The following TMEM68 variants were observed in gnomAD, a reference collection of about 807,000 sequenced individuals.
TMEM68 encodes transmembrane protein 68.
In TMEM68, 25 loss-of-function variants were observed where a neutral mutation model predicts 36.9. That is an observed-to-expected ratio of 0.68 (90% CI 0.49 to 0.95). TMEM68 has a LOEUF of 0.95. Among genes scored for constraint, TMEM68 ranks in the 40% least tolerant of loss-of-function variants. The probability of loss-of-function intolerance (pLI) is 0.00; values close to 1 mark genes in which losing one functional copy is unlikely to be tolerated. For missense variants in TMEM68, 333 were observed against 392.0 expected (o/e 0.85, Z 1.27); for synonymous variants, 131 against 124.4 (o/e 1.05, Z -0.35).
At chr8:55,764,384 C>A (rs1810900871) in intron 1 of TMEM68, among the ~76,000 whole-genome samples, 1 of 152,126 alleles carries the variant, frequency 6.6e-6, no homozygotes, top group Admixed American at 6.5e-5. Flanking sequence ...TATTTTCCTA[C>A]AAAAGATTTC....
At chr8:55,762,415 G>T in intron 3 of TMEM68, 1 of 712,256 alleles carries the variant, frequency 1.4e-6, no homozygotes, top group Non-Finnish European at 2.2e-6. Context: ...CTACAGTGCT[G>T]CGTGGTTCTT....
chr8:55,770,144 C>T (rs1388819828), intron 1 of TMEM68, among the ~76,000 whole-genome samples: 2 of 152,178 alleles, frequency 1.3e-5, no homozygotes, highest in Admixed American at 1.3e-4. Context: ...AGTTTGCTTG[C>T]TTAAAATTAC....
chr8:55,748,459 T>C (rs979365093), intron 5 of TMEM68, among the ~76,000 whole-genome samples: 7 of 151,120 alleles, frequency 4.6e-5, no homozygotes, highest in Non-Finnish European at 1.0e-4. Context: ...ACTTTGTACA[T>C]GAAGGAGTTG....
chr8:55,752,609 T>G (rs142869155), intron 4 of TMEM68, among the ~76,000 whole-genome samples: 18 of 151,552 alleles, frequency 1.2e-4, no homozygotes, highest in South Asian at 4.1e-4. Flanking sequence ...GAAAAGAAAA[T>G]AATTGTCACC....
At chr8:55,746,231 G>A (rs112580909) in intron 5 of TMEM68, 6,935 of 131,964 alleles carry the variant, frequency 0.053, 356 homozygotes, top group East Asian at 0.089. Flanking sequence ...TGGGAGGATT[G>A]TTTAAGACCA....
chr8:55,772,732 G>A (rs1811221456), intron 1 of TMEM68, among the ~76,000 whole-genome samples: 2 of 152,212 alleles, frequency 1.3e-5, no homozygotes, highest in African/African-American at 4.8e-5. Context: ...GAAAGGTGAA[G>A]TTGCCTGCCC....
chr8:55,743,822 GAGA>G (rs1426456166), intron 6 of TMEM68, among the ~76,000 whole-genome samples: 1 of 152,070 alleles, frequency 6.6e-6, no homozygotes, highest in African/African-American at 2.4e-5. Flanking sequence ...TTAATAATAG[GAGA>G]AACTAGGGGA....
At chr8:55,754,660 T>A (rs1719300015) in intron 4 of TMEM68, among the ~76,000 whole-genome samples, 1 of 132,468 alleles carries the variant, frequency 7.5e-6, no homozygotes, top group Non-Finnish European at 1.5e-5. Context: ...ATATTATATA[T>A]AAAATACATA....
intron 1 of TMEM68, among the ~76,000 whole-genome samples, chr8:55,769,480 T>G (rs188614838): frequency 1.3e-5 from 2 of 152,146 alleles, no homozygotes; most frequent in African/African-American, 4.8e-5. Context: ...AATGTACAAG[T>G]GGATGGCCCT....
chr8:55,765,194 G>A (rs1048480352), intron 1 of TMEM68, among the ~76,000 whole-genome samples: 7 of 152,122 alleles, frequency 4.6e-5, no homozygotes, highest in Non-Finnish European at 1.0e-4. Flanking sequence ...TAACTTCCCC[G>A]TAACTTTTCC....
At chr8:55,753,048 T>G (rs1245172240) in intron 4 of TMEM68, among the ~76,000 whole-genome samples, 1 of 152,072 alleles carries the variant, frequency 6.6e-6, no homozygotes. Context: ...TCTCTTGTGC[T>G]GAGAATTATA....
At chr8:55,771,630 A>G (rs989365431) in intron 1 of TMEM68, among the ~76,000 whole-genome samples, 2 of 152,192 alleles carry the variant, frequency 1.3e-5, no homozygotes, top group Non-Finnish European at 2.9e-5. Flanking sequence ...AAAAATAAAT[A>G]AATAAATAAA....
In TMEM68 at chr8:55,743,475, A is replaced by C; in HGVS notation, c.888+6T>G. 2 of 1,519,772 alleles carry C rather than the reference A, an allele frequency of 1.3e-6. No individual in the cohort carries two copies. The highest frequency in any genetic ancestry group is 2.8e-5 in the African/African-American group (2 of 72,136). 94.1% of individuals were successfully genotyped at this position (1,519,772 alleles called of 1,614,324 possible). Reference sequence around the variant, plus strand: ...TCCTAAAACTAAAAAAGAAAAAGCAATTTACCTTTTCAGCTAATTCTTCCG... The same window carrying C: ...TCCTAAAACTAAAAAAGAAAAAGCACTTTACCTTTTCAGCTAATTCTTCCG... On this transcript the variant is annotated splice_donor_region_variant and intron_variant, in intron 7 of 7. Transcript: ENST00000434581.
At chr8:55,755,681 AT>A (rs1810583740) in intron 4 of TMEM68, among the ~76,000 whole-genome samples, 1 of 151,986 alleles carries the variant, frequency 6.6e-6, no homozygotes, top group Non-Finnish European at 1.5e-5. Context: ...AAAAATCAGT[AT>A]TTCATGAAAA....
intron 1 of TMEM68, among the ~76,000 whole-genome samples, chr8:55,766,372 GCTT>G (rs1810962062): frequency 7.0e-6 from 1 of 142,820 alleles, no homozygotes; most frequent in South Asian, 2.2e-4. Flanking sequence ...TTCTATGCAC[GCTT>G]TTTTTTTTTT....
At chr8:55,768,201 CA>C (rs1193080845) in intron 1 of TMEM68, among the ~76,000 whole-genome samples, 2 of 150,690 alleles carry the variant, frequency 1.3e-5, no homozygotes, top group Non-Finnish European at 2.9e-5. Context: ...AGGAAACTGG[CA>C]AACCCTGGTA....
rs903828610 is a variant in TMEM68, at chr8:55,767,523, G to A, written c.-114-3543C>T. Among the ~76,000 whole-genome samples, 8 of 152,134 alleles carry A rather than the reference G, an allele frequency of 5.3e-5. 1 individual carries two copies. The highest frequency in any genetic ancestry group is 1.9e-4 in the African/African-American group (8 of 41,410). On this transcript the variant is annotated intron_variant, in intron 1 of 7. Coordinates refer to ENST00000434581, the MANE Select transcript of TMEM68 (RefSeq NM_001286657.2). ...CATCAGCAGTTTAGCAGGAAGATCA[G>A]GAGGAGGATACAGGGTATAAGTGGA...
intron 5 of TMEM68, chr8:55,745,933 T>C (rs2129919884): frequency 6.6e-6 from 1 of 152,314 alleles, no homozygotes; most frequent in Admixed American, 6.5e-5. Context: ...GTAAAATTTT[T>C]TGTGAGTCTA....
intron 1 of TMEM68, among the ~76,000 whole-genome samples, chr8:55,768,495 G>T (rs1223912321): frequency 1.1e-4 from 17 of 151,866 alleles, no homozygotes; most frequent in Admixed American, 1.1e-3. Context: ...CAAGAGGATC[G>T]CTTGAAACCA....
Sources: gnomAD v4.1 joint callset for allele counts (sites outside exome capture counted in the v4.1 genomes callset) on GRCh38, gnomAD v4.1.1 for gene constraint, MANE v1.5 for transcripts, NCBI Gene and HGNC (gene_info 2026-07-23, HGNC 2026-07-21) for gene names.